The following TYK2 variants were observed in gnomAD, a reference collection of about 807,000 sequenced individuals.
The protein encoded by TYK2 is non-receptor tyrosine-protein kinase TYK2.
In TYK2, 65 loss-of-function variants were observed where a neutral mutation model predicts 130.9. That is an observed-to-expected ratio of 0.50 (90% CI 0.41 to 0.61). The LOEUF is 0.61. Ranked by LOEUF, TYK2 falls within the 20% of genes least tolerant of loss-of-function variation. The pLI is 0.00. For missense variants in TYK2, 1,378 were observed against 1,610.7 expected (o/e 0.86, Z 2.47); for synonymous variants, 647 against 658.9 (o/e 0.98, Z 0.28).
chr19:10,377,081 A>G (rs894256080), intron 3 of TYK2, among the ~76,000 whole-genome samples: 1 of 151,868 alleles, frequency 6.6e-6, no homozygotes, highest in African/African-American at 2.4e-5. Context: ...TCTAAAAATT[A>G]TTTTGTTGAG....
chr19:10,378,868 T>TTATC (rs1225124243), intron 2 of TYK2, among the ~76,000 whole-genome samples: 1 of 151,648 alleles, frequency 6.6e-6, no homozygotes, highest in Non-Finnish European at 1.5e-5. Flanking sequence ...TTATCTTATC[T>TTATC]TATCTTATCT....
Position 10,353,014 on chromosome 19 carries a change from T to C in TYK2, c.3112A>G (p.Lys1038Glu). The change falls in exon 22 of 25, where the codon AAG becomes GAG. Residue 1038 changes from lysine (K) to glutamate (E), a missense_variant. Coordinates refer to ENST00000525621, the MANE Select transcript of TYK2 (RefSeq NM_003331.5). The surrounding 1 kb of genome is among the most constrained non-coding windows in gnomAD (Gnocchi z 6.9). ...NVLLDNDRLV[K>E]IGDFGLAKAV... The stretch of plus-strand genomic sequence containing the variant: ...TTGGCTAGGCCAAAGTCCCCGATCT[T>C]GACCAGCCTGTCGTTGTCCAGCAGC... 1 of 1,602,650 alleles carries C rather than the reference T, an allele frequency of 6.2e-7. No homozygotes were observed. The highest frequency in any genetic ancestry group is 8.5e-7 in the Non-Finnish European group (1 of 1,173,754).
At position 10,364,786 on chromosome 19, in the gene TYK2, C is replaced by T. The variant is rs528020125; in HGVS notation, c.1210-15G>A. 71 of 1,613,974 alleles carry T rather than the reference C, an allele frequency of 4.4e-5. No homozygotes were observed. The East Asian group carries it at 1.4e-3, about 32-fold the overall frequency. On this transcript the variant is annotated splice_polypyrimidine_tract_variant and intron_variant, in intron 8 of 24. Transcript: ENST00000525621. The surrounding 1 kb of genome is among the most constrained non-coding windows in gnomAD (Gnocchi z 4.9). ...AAGCTCAGCTCCTGCCAGCCAGGGG[C>T]GCATCAGGTGGGTGTCCTCCCAGGC...
chr19:10,360,948 T>G, intron 14 of TYK2: 1 of 306,874 alleles, frequency 3.3e-6, no homozygotes, highest in Non-Finnish European at 6.6e-6. Flanking sequence ...AAAGATAGGG[T>G]CTGGACATGT....
Position 10,354,226 on chromosome 19 carries a change from G to A in TYK2, c.2724C>T (p.Phe908=), listed in dbSNP as rs778512258. ...CGTAGCAGTACAAGCTGACCTTGCC[G>A]AAGTGACCCTGGTCGGGAGCGCACG... is the stretch of plus-strand genomic sequence containing the variant. The part of the protein sequence containing the change: ...KKIRDLGEGH[F]GKVSLYCYDP... Residue 908 remains phenylalanine, a synonymous_variant, in exon 20 of 25, where the codon TTC becomes TTT. Coordinates refer to ENST00000525621, the MANE Select transcript of TYK2 (RefSeq NM_003331.5). The A allele has an allele frequency of 6.2e-7, 1 of 1,612,450 alleles. No homozygotes were observed. The highest frequency in any genetic ancestry group is 1.7e-5 in the Admixed American group (1 of 59,998).
Position 10,378,320 on chromosome 19 carries a change from C to T in TYK2, c.87G>A (p.Lys29=). ...CTGGACCAGCCCAGTGCAGAAGCAC[C>T]TTCAGGCCTCCCATGGCAGCCATGG... ...AQPMAAMGGL[K]VLLHWAGPGG... Residue 29 remains lysine, a synonymous_variant, in exon 3 of 25, where the codon AAG becomes AAA. Transcript: ENST00000525621. 6.2e-7 allele frequency: 1 copy of T among 1,612,840 alleles called. No individual in the cohort carries two copies. The highest frequency in any genetic ancestry group is 8.5e-7 in the Non-Finnish European group (1 of 1,179,966).
intron 14 of TYK2, among the ~76,000 whole-genome samples, chr19:10,360,200 A>G (rs974831485): frequency 1.3e-5 from 2 of 151,868 alleles, no homozygotes; most frequent in African/African-American, 4.8e-5. Context: ...TAAAAAAAAA[A>G]AGAGATAAAG....
At position 10,354,521 on chromosome 19, in the gene TYK2, A is replaced by G. The variant is rs758541993; in HGVS notation, c.2706T>C (p.Asp902=). 6.2e-6 allele frequency: 10 copies of G among 1,613,792 alleles called. No homozygotes were observed. The highest frequency in any genetic ancestry group is 8.5e-6 in the Non-Finnish European group (10 of 1,180,012). The part of the protein sequence containing the change: ...FHKRYLKKIR[D]LGEGHFGKVS... ...CAGGCCCGTCCCTCACCTCGCCCAGATCTCGGATCTTTTTCAAATAGCGCT... is the reference window on the plus strand; with the variant it reads ...CAGGCCCGTCCCTCACCTCGCCCAGGTCTCGGATCTTTTTCAAATAGCGCT... Residue 902 remains aspartate, a synonymous_variant, in exon 19 of 25, where the codon GAT becomes GAC. Transcript: ENST00000525621.
chr19:10,362,068 C>T lies in TYK2; in HGVS notation c.1773+10G>A. 3.7e-6 allele frequency: 6 copies of T among 1,614,016 alleles called. No individual in the cohort carries two copies. The highest frequency in any genetic ancestry group is 5.1e-6 in the Non-Finnish European group (6 of 1,179,944). ...CCTGCCCTTGCCCCGGGCCCCTTCC[C>T]TGCACCCACCTGGGTGATCTCCTTC... On this transcript the variant is annotated intron_variant, in intron 12 of 24. Transcript: ENST00000525621.
In TYK2 at chr19:10,364,629, A is replaced by AT. The variant is rs2041565457; in HGVS notation, c.1351dup (p.Ile451AsnfsTer41). On this transcript the variant is annotated frameshift_variant, in exon 9 of 25. Transcript: ENST00000525621. LOFTEE classifies it high-confidence loss of function. This position sits in a 1 kb window ranked among gnomAD's most constrained non-coding sequence, Gnocchi z 4.9. The stretch of plus-strand genomic sequence containing the variant: ...CAGCACTCACAGCAGGGGTCCGTGG[A>AT]TCCCATCCCGGATGCTCATCACCAG... The AT allele has an allele frequency of 6.2e-7, 1 of 1,613,642 alleles. No homozygotes were observed.
chr19:10,355,532 C>G (rs2041050981), intron 18 of TYK2, among the ~76,000 whole-genome samples: 1 of 149,370 alleles, frequency 6.7e-6, no homozygotes, highest in Admixed American at 6.8e-5. Flanking sequence ...CCCAGCTACT[C>G]GGGAGGCTGA....
chr19:10,369,759 G>A (rs747017118), intron 3 of TYK2: 13 of 453,412 alleles, frequency 2.9e-5, no homozygotes, highest in South Asian at 1.6e-4. Context: ...AATTGTACCT[G>A]TCGGCCGGGC....
Position 10,353,469 on chromosome 19 carries a change from G to C in TYK2, c.3027+59C>G. ...GAGCAGACTGCACCGGATCGCTCAGGCCAGCCCAAGCTGAAGAGGAAGGGG... is the reference window on the plus strand; with the variant it reads ...GAGCAGACTGCACCGGATCGCTCAGCCCAGCCCAAGCTGAAGAGGAAGGGG... On this transcript the variant is annotated intron_variant, in intron 21 of 24. Coordinates refer to ENST00000525621, the MANE Select transcript of TYK2 (RefSeq NM_003331.5). This position sits in a 1 kb window ranked among gnomAD's most constrained non-coding sequence, Gnocchi z 6.9. 2 of 1,295,848 alleles carry C rather than the reference G, an allele frequency of 1.5e-6. No individual in the cohort carries two copies. The highest frequency in any genetic ancestry group is 1.6e-5 in the South Asian group (1 of 61,516). 80.3% of individuals were successfully genotyped at this position (1,295,848 alleles called of 1,614,324 possible).
At position 10,379,995 on chromosome 19, in the gene TYK2, C is replaced by T. The variant is rs931852492; in HGVS notation, c.-185-216G>A. Among the ~76,000 whole-genome samples, 3 of 152,104 alleles carry T rather than the reference C, an allele frequency of 2.0e-5. No homozygotes were observed. In the South Asian group the frequency reaches 6.2e-4, roughly 32 times the overall value. ...ATCCAGGGCCTGAGCCTCCTGAGGG[C>T]GCCAGTATGGAAGTGGAGGGGCTGT... On this transcript the variant is annotated intron_variant, in intron 1 of 24. Transcript: ENST00000525621.
chr19:10,379,726 A>G lies in TYK2; in HGVS notation c.-132T>C, dbSNP rs280500. 29,149 of 152,152 alleles carry G rather than the reference A, an allele frequency of 0.19. 3,251 individuals carry two copies. The highest frequency in any genetic ancestry group is 0.3 in the African/African-American group (12,460 of 41,414). 9.4% of individuals were successfully genotyped at this position (152,152 alleles called of 1,614,324 possible). A position where few individuals can be genotyped will look rare whatever the true frequency, so the allele number is the denominator to read the frequency against. ...AGGTCCTCAGGGTGTTGCCATCAAAAGATGGTTGTAATGTTTCAATATAGT... is the reference window on the plus strand; with the variant it reads ...AGGTCCTCAGGGTGTTGCCATCAAAGGATGGTTGTAATGTTTCAATATAGT... On this transcript the variant is annotated 5_prime_UTR_variant, in exon 2 of 25. Coordinates refer to ENST00000525621, the MANE Select transcript of TYK2 (RefSeq NM_003331.5).
rs576968646 is a variant in TYK2, at chr19:10,367,898, C to T, written c.465+157G>A. On this transcript the variant is annotated intron_variant, in intron 5 of 24. Coordinates refer to ENST00000525621, the MANE Select transcript of TYK2 (RefSeq NM_003331.5). ...TCACATCACTGCACTTCAGCCTGGG[C>T]GACAGAGCAAGACTCCGTCTCAAAA... Among the ~76,000 whole-genome samples, 8 of 148,436 alleles carry T rather than the reference C, an allele frequency of 5.4e-5. No homozygotes were observed. In the South Asian group the frequency reaches 1.3e-3, roughly 24 times the overall value.
intron 3 of TYK2, among the ~76,000 whole-genome samples, chr19:10,374,075 G>A (rs2042018826): frequency 6.6e-6 from 1 of 151,942 alleles, no homozygotes; most frequent in Non-Finnish European, 1.5e-5. Flanking sequence ...GACCATCCTG[G>A]CTAGCACAGT....
chr19:10,355,588 C>T (rs1431277586), intron 18 of TYK2, among the ~76,000 whole-genome samples: 2 of 143,794 alleles, frequency 1.4e-5, no homozygotes, highest in African/African-American at 2.6e-5. Context: ...TGCAGTGGGC[C>T]GAGATCGTGC....
chr19:10,378,561 C>T (rs142844110), intron 2 of TYK2, 135 bp from the exon 3 acceptor site: 10 of 692,512 alleles, frequency 1.4e-5, no homozygotes, highest in Middle Eastern at 7.8e-4. Context: ...ATTAGAGACC[C>T]GATTCCCTCT....
Sources: allele counts gnomAD v4.1 joint callset (sites outside exome capture counted in the v4.1 genomes callset), GRCh38; gene constraint gnomAD v4.1.1; non-coding constraint Gnocchi (gnomAD v3.1); transcripts MANE v1.5; gene names NCBI Gene and HGNC (gene_info 2026-07-23, HGNC 2026-07-21).